The following TECRL variants were observed in gnomAD, a reference collection of about 807,000 sequenced individuals.
The protein encoded by TECRL is trans-2,3-enoyl-CoA reductase like.
TECRL carries 63 observed loss-of-function variants against 52.8 expected under a neutral mutation model. The observed-to-expected ratio is 1.19, with a 90% CI of 0.97 to 1.47. The LOEUF is 1.47. TECRL is among the 40% of genes most tolerant of loss of function. The pLI, the probability that TECRL is intolerant of heterozygous loss-of-function variation, is 0.00. For missense variants in TECRL, 482 were observed against 429.6 expected (o/e 1.12, Z -1.08); for synonymous variants, 164 against 141.9 (o/e 1.16, Z -1.10).
At chr4:64,314,980 C>A (rs953238421) in intron 4 of TECRL, among the ~76,000 whole-genome samples, 5 of 151,826 alleles carry the variant, frequency 3.3e-5, no homozygotes, top group Non-Finnish European at 7.4e-5. Flanking sequence ...AAATATTGAA[C>A]CTAATAAACT....
intron 5 of TECRL, 44 bp downstream of exon 5, chr4:64,314,604 T>A: frequency 1.7e-6 from 1 of 579,678 alleles, no homozygotes; most frequent in Non-Finnish European, 2.8e-6. Context: ...TGTGTGTGTG[T>A]GTGTGTGTGT....
chr4:64,299,665 T>C (rs566667331), intron 8 of TECRL, among the ~76,000 whole-genome samples: 17 of 151,044 alleles, frequency 1.1e-4, no homozygotes, highest in African/African-American at 3.6e-4. Context: ...TTGCAAAAAA[T>C]TTTTGCTCTT....
chr4:64,346,722 A>T (rs1268960956), intron 2 of TECRL, among the ~76,000 whole-genome samples: 2 of 152,108 alleles, frequency 1.3e-5, no homozygotes. Flanking sequence ...AAGGTCTCTG[A>T]GGTGCCCTGG....
intron 5 of TECRL, 120 bp downstream of exon 5, chr4:64,314,528 T>G (rs1292645871): frequency 2.7e-6 from 2 of 728,692 alleles, no homozygotes; most frequent in African/African-American, 3.5e-5. Flanking sequence ...TCAATCGCGT[T>G]TAGTAACAAC....
intron 2 of TECRL, among the ~76,000 whole-genome samples, chr4:64,374,074 TA>T (rs1722194104): frequency 4.0e-5 from 4 of 100,284 alleles, no homozygotes; most frequent in Non-Finnish European, 8.3e-5. Context: ...TATATATATA[TA>T]TATATATTTA....
chr4:64,401,367 G>C (rs925362550), intron 1 of TECRL, among the ~76,000 whole-genome samples: 8 of 151,928 alleles, frequency 5.3e-5, no homozygotes, highest in Admixed American at 4.6e-4. Context: ...TTTTTTCTTG[G>C]ATATGCTAAA....
At chr4:64,394,383 G>A (rs1723775291) in intron 1 of TECRL, among the ~76,000 whole-genome samples, 1 of 152,094 alleles carries the variant, frequency 6.6e-6, no homozygotes, top group South Asian at 2.1e-4. Context: ...TCTTTTGAAA[G>A]TTGAAAGCTT....
intron 6 of TECRL, among the ~76,000 whole-genome samples, chr4:64,307,046 C>A (rs987860386): frequency 3.9e-5 from 6 of 152,126 alleles, no homozygotes; most frequent in African/African-American, 1.4e-4. Flanking sequence ...GCCAAGCCAA[C>A]CCCTATATTT....
At chr4:64,393,857 C>T (rs577374831) in intron 1 of TECRL, among the ~76,000 whole-genome samples, 16 of 151,838 alleles carry the variant, frequency 1.1e-4, no homozygotes, top group African/African-American at 3.6e-4. Context: ...AAGAATCCAT[C>T]ATGCATATTA....
intron 7 of TECRL, among the ~76,000 whole-genome samples, chr4:64,301,286 G>A (rs1005512287): frequency 6.6e-6 from 1 of 150,904 alleles, no homozygotes; most frequent in South Asian, 2.1e-4. Flanking sequence ...TATAATATTT[G>A]ATATAACAAT....
rs1459036116 is a variant in TECRL, at chr4:64,363,933, T to C, written c.286+11239A>G. Among the ~76,000 whole-genome samples the C allele has an allele frequency of 3.9e-5, 6 of 152,232 alleles. No individual in the cohort carries two copies. In the East Asian group the frequency reaches 1.2e-3, roughly 29 times the overall value. Reference sequence around the variant, plus strand: ...TTACAAAATGAACCTAACAGATATCTACATAATACTGCACCCCTAAAAATA... The same window carrying C: ...TTACAAAATGAACCTAACAGATATCCACATAATACTGCACCCCTAAAAATA... On this transcript the variant is annotated intron_variant, in intron 2 of 11. Coordinates refer to ENST00000381210, the MANE Select transcript of TECRL (RefSeq NM_001010874.5).
Position 64,281,566 on chromosome 4 carries a change from C to G in TECRL, c.833-7G>C. On this transcript the variant is annotated splice_region_variant and splice_polypyrimidine_tract_variant and intron_variant, in intron 9 of 11. Coordinates refer to ENST00000381210, the MANE Select transcript of TECRL (RefSeq NM_001010874.5). ...GGGAAACAGGCATTGTTTCCTTTTT[C>G]AAAGGAAAGTAAAATGTCAATGATG... 6.6e-7 allele frequency: 1 copy of G among 1,525,570 alleles called. No individual in the cohort carries two copies. Among genetic ancestry groups the G allele is most frequent in the Non-Finnish European group, 9.0e-7 (1 of 1,108,116 alleles). The allele number at this position is 1,525,570 out of a possible 1,614,324, so 94.5% of individuals were successfully genotyped here.
At chr4:64,330,721 C>A (rs1417609724) in intron 2 of TECRL, among the ~76,000 whole-genome samples, 2 of 152,006 alleles carry the variant, frequency 1.3e-5, no homozygotes, top group Non-Finnish European at 2.9e-5. Flanking sequence ...TCATATTAGA[C>A]TATAGCTGAT....
chr4:64,318,569 A>G (rs1362681113), intron 4 of TECRL, among the ~76,000 whole-genome samples: 1 of 152,086 alleles, frequency 6.6e-6, no homozygotes, highest in Non-Finnish European at 1.5e-5. Flanking sequence ...GCCGATAACA[A>G]AACCAAACAA....
intron 2 of TECRL, among the ~76,000 whole-genome samples, chr4:64,340,909 G>A (rs1229526327): frequency 6.6e-6 from 1 of 152,190 alleles, no homozygotes; most frequent in Non-Finnish European, 1.5e-5. Context: ...GCTGAGGAGA[G>A]GCGGGAACTA....
chr4:64,307,851 C>T (rs1164035188), intron 6 of TECRL, among the ~76,000 whole-genome samples: 1 of 152,114 alleles, frequency 6.6e-6, no homozygotes, highest in African/African-American at 2.4e-5. Flanking sequence ...CACATAATAC[C>T]AGAGACAAGG....
At chr4:64,375,299 T>A in intron 1 of TECRL, 76 bp from the exon 2 acceptor site, 1 of 730,318 alleles carries the variant, frequency 1.4e-6, no homozygotes, top group Non-Finnish European at 2.1e-6. Flanking sequence ...AAAAAAAGTT[T>A]AAATATATCA....
intron 1 of TECRL, among the ~76,000 whole-genome samples, chr4:64,394,328 C>T (rs1723771202): frequency 6.6e-6 from 1 of 152,008 alleles, no homozygotes; most frequent in African/African-American, 2.4e-5. Context: ...CACCATTTTC[C>T]TCATTGTTGT....
At chr4:64,385,441 A>C (rs1723111010) in intron 1 of TECRL, among the ~76,000 whole-genome samples, 1 of 152,048 alleles carries the variant, frequency 6.6e-6, no homozygotes, top group African/African-American at 2.4e-5. Context: ...TGTGTACTTT[A>C]ACTCTCTTTG....
Sources: allele counts gnomAD v4.1 joint callset (sites outside exome capture counted in the v4.1 genomes callset), GRCh38; gene constraint gnomAD v4.1.1; transcripts MANE v1.5; gene names NCBI Gene and HGNC (gene_info 2026-07-23, HGNC 2026-07-21).